SP3: variants seen among roughly 807,000 people sequenced by gnomAD.
SP3 encodes transcription factor Sp3.
SP3 carries 10 observed loss-of-function variants against 70.3 expected under a neutral mutation model. The observed-to-expected ratio is 0.14, with a 90% CI of 0.09 to 0.24. SP3 has a LOEUF of 0.24. SP3 is among the 10% of genes least tolerant of loss of function. The pLI, the probability that SP3 is intolerant of heterozygous loss-of-function variation, is 1.00. For missense variants in SP3, 825 were observed against 914.6 expected (o/e 0.90, Z 1.26); for synonymous variants, 402 against 333.5 (o/e 1.21, Z -2.24).
rs1689538585 is a variant in SP3 at position 173,913,279 on chromosome 2, C to A, written c.1833-13G>T. ...AAGATTGGTACCTCTAAAAAACACACATAGAATAATATATACTTATATGAA... is the reference window on the plus strand; with the variant it reads ...AAGATTGGTACCTCTAAAAAACACAAATAGAATAATATATACTTATATGAA... On this transcript the variant is annotated splice_polypyrimidine_tract_variant and intron_variant, in intron 5 of 6. Transcript: ENST00000310015. 1 of 1,563,804 alleles carries A rather than the reference C, an allele frequency of 6.4e-7. No individual in the cohort carries two copies. The highest frequency in any genetic ancestry group is 8.7e-7 in the Non-Finnish European group (1 of 1,148,972).
intron 4 of SP3, among the ~76,000 whole-genome samples, chr2:173,951,068 A>G (rs577635065): frequency 6.6e-6 from 1 of 152,308 alleles, no homozygotes; most frequent in African/African-American, 2.4e-5. Context: ...TTCTATTCTG[A>G]TAACATTTGA....
intron 4 of SP3, among the ~76,000 whole-genome samples, chr2:173,942,915 A>G (rs1310962356): frequency 6.6e-6 from 1 of 152,204 alleles, no homozygotes; most frequent in Non-Finnish European, 1.5e-5. Context: ...ACAACTATAT[A>G]TATAGCATTT....
chr2:173,951,168 TTA>T (rs1296544928), intron 4 of SP3, among the ~76,000 whole-genome samples: 1 of 152,204 alleles, frequency 6.6e-6, no homozygotes, highest in Non-Finnish European at 1.5e-5. Context: ...GTTTCTAGAT[TTA>T]TTTTCTAACA....
At chr2:173,920,279 G>A (rs1689716471) in intron 4 of SP3, among the ~76,000 whole-genome samples, 1 of 152,068 alleles carries the variant, frequency 6.6e-6, no homozygotes, top group South Asian at 2.1e-4. Flanking sequence ...AGGGGAGGGA[G>A]GGATGAATAG....
rs34409340 is a variant in SP3 at position 173,927,276 on chromosome 2, C to CT, written c.1640-8492dup. On this transcript the variant is annotated intron_variant, in intron 4 of 6. Coordinates refer to ENST00000310015, the MANE Select transcript of SP3 (RefSeq NM_003111.5). ...CTTCCAAACCATATCAACTATATAT[C>CT]TTTTTTTTTTTTTTTTAAGACAGGG... Among the ~76,000 whole-genome samples, 484 of 142,162 alleles carry CT rather than the reference C, an allele frequency of 3.4e-3. 1 individual carries two copies. The highest frequency in any genetic ancestry group is 8.2e-3 in the South Asian group (36 of 4,372). 93.3% of individuals were successfully genotyped at this position (142,162 alleles called of 152,430 possible). A position where few individuals can be genotyped will look rare whatever the true frequency, so the allele number is the denominator to read the frequency against.
intron 4 of SP3, among the ~76,000 whole-genome samples, chr2:173,924,825 A>G (rs1357213706): frequency 6.6e-6 from 1 of 152,248 alleles, no homozygotes; most frequent in Non-Finnish European, 1.5e-5. Context: ...GTTTTAGTTT[A>G]ATTAAATCAA....
chr2:173,954,468 T>G (rs1033721778), intron 4 of SP3, among the ~76,000 whole-genome samples: 1 of 152,200 alleles, frequency 6.6e-6, no homozygotes, highest in Non-Finnish European at 1.5e-5. Context: ...TTACTCCCTG[T>G]ACCATGTTTT....
At chr2:173,911,364 G>A (rs796490058) in intron 6 of SP3, among the ~76,000 whole-genome samples, 19 of 152,042 alleles carry the variant, frequency 1.2e-4, no homozygotes, top group African/African-American at 4.1e-4. Flanking sequence ...CTCATTCACC[G>A]CTACAAAAAA....
rs376789763 is a variant in SP3, at chr2:173,955,522, A to G, written c.990T>C (p.Phe330=). 4.3e-6 allele frequency: 7 copies of G among 1,614,070 alleles called. No homozygotes were observed. The highest frequency in any genetic ancestry group is 2.7e-5 in the African/African-American group (2 of 74,938). ...ACTGTGATGAAGAGGATGTTGGCAC[A>G]AATAAATCTGTATCAGTATTAGTTT... is the stretch of plus-strand genomic sequence containing the variant. ...INETNTDTDL[F]VPTSSSSQLP... Residue 330 remains phenylalanine (F), a synonymous_variant, in exon 4 of 7, where the codon TTT becomes TTC. Transcript: ENST00000310015.
intron 1 of SP3, 200 bp from the exon 2 acceptor site, chr2:173,964,753 CCCTCCTCCTCCTCCTCTTTCCCT>C (rs1195798411): frequency 4.7e-5 from 20 of 425,226 alleles, no homozygotes; most frequent in Middle Eastern, 6.3e-4. Context: ...CTGCCTGTAA[CCCTCCTCCTCCTCCTCTTTCCCT>C]CCTCCTCCTC....
chr2:173,941,010 C>A (rs1690356162), intron 4 of SP3, among the ~76,000 whole-genome samples: 1 of 151,876 alleles, frequency 6.6e-6, no homozygotes, highest in Non-Finnish European at 1.5e-5. Context: ...CTCTCTCATC[C>A]TCTTTCATAC....
chr2:173,934,628 G>C (rs981529005), intron 4 of SP3, among the ~76,000 whole-genome samples: 5 of 151,852 alleles, frequency 3.3e-5, no homozygotes, highest in Admixed American at 6.6e-5. Context: ...ACTTCAGGAG[G>C]GAGACAGGAG....
rs1159021723 is a variant in SP3, at chr2:173,907,170, A to C, written c.*2771T>G. 1 of 152,180 alleles carries C rather than the reference A, an allele frequency of 6.6e-6. No homozygotes were observed. The highest frequency in any genetic ancestry group is 1.5e-5 in the Non-Finnish European group (1 of 68,000). The allele number at this position is 152,180 out of a possible 1,614,324, so 9.4% of individuals were successfully genotyped here. On this transcript the variant is annotated 3_prime_UTR_variant, in exon 7 of 7. Coordinates refer to ENST00000310015, the MANE Select transcript of SP3 (RefSeq NM_003111.5). ...ACTTTCTTAAATTAAAATTTGAGGTATACAGATAATCGCGTCCACTAAATG... is the reference window on the plus strand; with the variant it reads ...ACTTTCTTAAATTAAAATTTGAGGTCTACAGATAATCGCGTCCACTAAATG...
At chr2:173,923,132 T>G (rs1014242890) in intron 4 of SP3, among the ~76,000 whole-genome samples, 5 of 152,100 alleles carry the variant, frequency 3.3e-5, no homozygotes, top group African/African-American at 1.2e-4. Flanking sequence ...TTTAAGAACT[T>G]TATAAACAGC....
At position 173,956,122 on chromosome 2, in the gene SP3, T is replaced by G; in HGVS notation, c.390A>C (p.Pro130=). The G allele has an allele frequency of 6.2e-7, 1 of 1,614,208 alleles. No individual in the cohort carries two copies. Among genetic ancestry groups the G allele is most frequent in the Non-Finnish European group, 8.5e-7 (1 of 1,180,024 alleles). Residue 130 remains proline, a synonymous_variant, in exon 4 of 7, where the codon CCA becomes CCC. Coordinates refer to ENST00000310015, the MANE Select transcript of SP3 (RefSeq NM_003111.5). ...ACTGCCCACTTGAAGTAGCAGCACTTGGAATCTGGACTAGATTACCAGCTT... is the reference window on the plus strand; with the variant it reads ...ACTGCCCACTTGAAGTAGCAGCACTGGGAATCTGGACTAGATTACCAGCTT... ...KDEAGNLVQI[P]SAATSSGQYV... is the part of the protein sequence containing the mutation.
intron 4 of SP3, among the ~76,000 whole-genome samples, chr2:173,945,737 C>G (rs1157599878): frequency 6.6e-6 from 1 of 152,172 alleles, no homozygotes; most frequent in South Asian, 2.1e-4. Context: ...TAAAGGATCA[C>G]GGGGACACCT....
At chr2:173,949,982 C>T (rs1216049604) in intron 4 of SP3, among the ~76,000 whole-genome samples, 1 of 152,132 alleles carries the variant, frequency 6.6e-6, no homozygotes, top group Non-Finnish European at 1.5e-5. Flanking sequence ...TACATAAATT[C>T]ACACTTTGCC....
At position 173,906,013 on chromosome 2, in the gene SP3, A is replaced by G. The variant is rs1689306294; in HGVS notation, c.*3928T>C. Among the ~76,000 whole-genome samples, 1 of 152,132 alleles carries G rather than the reference A, an allele frequency of 6.6e-6. No individual in the cohort carries two copies. Among genetic ancestry groups the G allele is most frequent in the Non-Finnish European group, 1.5e-5 (1 of 68,018 alleles). Reference sequence around the variant, plus strand: ...GTCAAATATAGGGAAAAAACAAACAATAAACCCTGGACTAGAATGAATTTT... The same window carrying G: ...GTCAAATATAGGGAAAAAACAAACAGTAAACCCTGGACTAGAATGAATTTT... On this transcript the variant is annotated 3_prime_UTR_variant, in exon 7 of 7. Transcript: ENST00000310015.
At chr2:173,910,630 C>T (rs1010232544) in intron 6 of SP3, among the ~76,000 whole-genome samples, 5 of 152,228 alleles carry the variant, frequency 3.3e-5, no homozygotes, top group Admixed American at 2.0e-4. Flanking sequence ...TATTCTTTCA[C>T]GCTATAATTA....
Sources: allele counts gnomAD v4.1 joint callset (sites outside exome capture counted in the v4.1 genomes callset), GRCh38; gene constraint gnomAD v4.1.1; transcripts MANE v1.5; gene names NCBI Gene and HGNC (gene_info 2026-07-23, HGNC 2026-07-21).